The following METTL15 variants were observed in gnomAD, a reference collection of about 807,000 sequenced individuals.
METTL15 encodes methyltransferase 15, mitochondrial 12S rRNA N4-cytidine.
A neutral mutation model predicts 38.3 loss-of-function variants in METTL15; 34 were observed. The ratio of observed to expected loss-of-function variants is 0.89; its 90% CI spans 0.68 to 1.18. The LOEUF is 1.18. Ranked by LOEUF, METTL15 falls within the 50% of genes most tolerant of loss-of-function variation. METTL15 has a pLI of 0.00. For missense variants in METTL15, 438 were observed against 498.4 expected (o/e 0.88, Z 1.15); for synonymous variants, 162 against 170.9 (o/e 0.95, Z 0.41).
chr11:28,215,683 A>G (rs1565173636), intron 4 of METTL15, among the ~76,000 whole-genome samples: 1 of 152,196 alleles, frequency 6.6e-6, no homozygotes, highest in South Asian at 2.1e-4. Flanking sequence ...AAGGGCATAC[A>G]AGAAGATTTG....
chr11:28,476,011 A>G (rs990955408), intron 6 of METTL15, among the ~76,000 whole-genome samples: 1 of 152,152 alleles, frequency 6.6e-6, no homozygotes, highest in Admixed American at 6.5e-5. Flanking sequence ...AGCTTAATGC[A>G]CAGCACCCTG....
At chr11:28,197,829 C>G (rs924531286) in intron 3 of METTL15, among the ~76,000 whole-genome samples, 1 of 152,010 alleles carries the variant, frequency 6.6e-6, no homozygotes, top group African/African-American at 2.4e-5. Flanking sequence ...CATAGAAAAT[C>G]TTACCATCAT....
intron 6 of METTL15, among the ~76,000 whole-genome samples, chr11:28,302,520 T>C (rs571099657): frequency 6.6e-6 from 1 of 152,226 alleles, no homozygotes; most frequent in African/African-American, 2.4e-5. Flanking sequence ...ATGGGTCTCA[T>C]GAGACCTGAG....
rs576450018 is a variant in METTL15 at position 28,117,680 on chromosome 11, A to G, written c.270+4076A>G. ...TTTTATAAGAAGTTTAATGTTTCCA[A>G]TGTTACTTCTAAAAACTTTCTTGTG... On this transcript the variant is annotated intron_variant, in intron 3 of 6. Coordinates refer to ENST00000407364, the MANE Select transcript of METTL15 (RefSeq NM_001113528.2). Among the ~76,000 whole-genome samples the G allele has an allele frequency of 1.2e-4, 18 of 152,224 alleles. No individual in the cohort carries two copies. The South Asian group carries it at 2.7e-3, about 23-fold the overall frequency.
intron 6 of METTL15, among the ~76,000 whole-genome samples, chr11:28,302,638 A>C (rs1400585835): frequency 6.6e-6 from 1 of 152,242 alleles, no homozygotes; most frequent in East Asian, 1.9e-4. Context: ...TGGAACTGTA[A>C]GTCCAATTAA....
chr11:28,449,692 A>G (rs1321611888), intron 6 of METTL15, among the ~76,000 whole-genome samples: 1 of 152,290 alleles, frequency 6.6e-6, no homozygotes, highest in African/African-American at 2.4e-5. Flanking sequence ...ATGACGCTTC[A>G]GTTCTAGACA....
intron 6 of METTL15, among the ~76,000 whole-genome samples, chr11:28,323,634 T>C (rs146195551): frequency 7.2e-4 from 109 of 152,192 alleles, no homozygotes; most frequent in African/African-American, 2.4e-3. Context: ...CATGATTAAT[T>C]TTTGTATTTA....
chr11:28,455,504 C>T (rs1432612109), intron 6 of METTL15, among the ~76,000 whole-genome samples: 1 of 152,100 alleles, frequency 6.6e-6, no homozygotes, highest in African/African-American at 2.4e-5. Flanking sequence ...TTAAAAATTT[C>T]ATTCAGCCCT....
chr11:28,334,451 G>A (rs1849882345), downstream of METTL15, among the ~76,000 whole-genome samples: 1 of 151,936 alleles, frequency 6.6e-6, no homozygotes, highest in Non-Finnish European at 1.5e-5. Context: ...ATATTTTTGT[G>A]TAGCAGCATT....
At chr11:28,504,331 G>A (rs1033466789) in intron 6 of METTL15, among the ~76,000 whole-genome samples, 3 of 152,094 alleles carry the variant, frequency 2.0e-5, no homozygotes, top group Admixed American at 2.0e-4. Context: ...TAGGGCTGGG[G>A]CAAACTACAT....
At chr11:28,255,946 G>A (rs962705134) in intron 4 of METTL15, among the ~76,000 whole-genome samples, 6 of 152,038 alleles carry the variant, frequency 3.9e-5, no homozygotes, top group Admixed American at 2.0e-4. Flanking sequence ...CAGGTGATCC[G>A]CCTGCCTCGG....
intron 6 of METTL15, among the ~76,000 whole-genome samples, chr11:28,440,925 G>T (rs1236648690): frequency 6.6e-6 from 1 of 152,144 alleles, no homozygotes; most frequent in Non-Finnish European, 1.5e-5. Context: ...TCAGGCACTT[G>T]AAATATGGCC....
intron 4 of METTL15, among the ~76,000 whole-genome samples, chr11:28,267,775 C>T (rs961002192): frequency 3.3e-5 from 5 of 152,204 alleles, no homozygotes; most frequent in Non-Finnish European, 7.3e-5. Flanking sequence ...GAGATTTACA[C>T]ATATACATCT....
chr11:28,395,668 CA>C (rs1850560274), intron 5 of METTL15, among the ~76,000 whole-genome samples: 2 of 152,132 alleles, frequency 1.3e-5, no homozygotes, highest in Non-Finnish European at 1.5e-5. Flanking sequence ...ACCAGAGGTA[CA>C]AAGAGGAGCT....
In METTL15 at chr11:28,520,105, T is replaced by A. The variant is rs138227745; in HGVS notation, c.*425-6373T>A. 7.9e-3 allele frequency among the ~76,000 whole-genome samples: 1,199 copies of A among 152,290 alleles called. 22 individuals carry two copies. The highest frequency in any genetic ancestry group is 0.027 in the African/African-American group (1,134 of 41,560). The stretch of plus-strand genomic sequence containing the variant: ...CTGTAATCCTAGCACTTTGGGAAGC[T>A]GAGGCAGGTGGATTGCTTGAGCCCA... On this transcript the variant is annotated intron_variant and NMD_transcript_variant, in intron 6 of 7. Transcript: ENST00000532947.
intron 6 of METTL15, among the ~76,000 whole-genome samples, chr11:28,500,150 C>A (rs191802818): frequency 6.6e-6 from 1 of 151,986 alleles, no homozygotes; most frequent in Non-Finnish European, 1.5e-5. Flanking sequence ...TGAACGGATA[C>A]ACACAATGAC....
chr11:28,456,333 G>A (rs1306726875), intron 6 of METTL15, among the ~76,000 whole-genome samples: 2 of 152,068 alleles, frequency 1.3e-5, no homozygotes, highest in African/African-American at 4.8e-5. Flanking sequence ...CTCCTGCTTG[G>A]TCAGAAGCAA....
chr11:28,163,349 T>C (rs1399538801), intron 3 of METTL15: 1 of 398,026 alleles, frequency 2.5e-6, no homozygotes, highest in Admixed American at 4.4e-5. Context: ...GGCTTCATGG[T>C]CTTTTTCCCA....
chr11:28,396,196 C>T (rs1231608377), intron 5 of METTL15, among the ~76,000 whole-genome samples: 1 of 152,164 alleles, frequency 6.6e-6, no homozygotes, highest in Non-Finnish European at 1.5e-5. Context: ...GACAGGGATG[C>T]CCTCTCTCAC....
Sources: gnomAD v4.1 joint callset for allele counts (sites outside exome capture counted in the v4.1 genomes callset) on GRCh38, gnomAD v4.1.1 for gene constraint, MANE v1.5 for transcripts, NCBI Gene and HGNC (gene_info 2026-07-23, HGNC 2026-07-21) for gene names.